The following TDRP variants were observed in gnomAD, a reference collection of about 807,000 sequenced individuals.
TDRP encodes the protein testis development related protein.
In TDRP, 12 loss-of-function variants were observed where a neutral mutation model predicts 10.5. The observed-to-expected ratio is 1.15, with a 90% CI of 0.73 to 1.86. TDRP has a LOEUF of 1.86. Ranked by LOEUF, TDRP falls within the 40% of genes most tolerant of loss-of-function variation. The probability of loss-of-function intolerance (pLI) is 0.00; values close to 1 mark genes in which losing one functional copy is unlikely to be tolerated. For missense variants in TDRP, 353 were observed against 229.2 expected (o/e 1.54, Z -3.49); for synonymous variants, 139 against 95.4 (o/e 1.46, Z -2.67).
At position 492,169 on chromosome 8, in the gene TDRP, A is replaced by T. The variant is rs751508130; in HGVS notation, c.*230T>A. 2.1e-5 allele frequency: 27 copies of T among 1,258,274 alleles called. No homozygotes were observed. The South Asian group carries it at 3.3e-4, about 16-fold the overall frequency. The allele number at this position is 1,258,274 out of a possible 1,614,324, so 77.9% of individuals were successfully genotyped here. A position where few individuals can be genotyped will look rare whatever the true frequency, so the allele number is the denominator to read the frequency against. On this transcript the variant is annotated 3_prime_UTR_variant, in exon 3 of 3. Transcript: ENST00000324079. ...TCCAGTTTCTGCAAAACATGGACTG[A>T]TAGGTGAATATTTCTGCAATAAGGC...
intron 1 of TDRP, among the ~76,000 whole-genome samples, chr8:521,345 A>AGGCGG (rs774254434): frequency 4.3e-4 from 65 of 151,266 alleles, no homozygotes; most frequent in Non-Finnish European, 7.7e-4. Context: ...TGAACCCGGG[A>AGGCGG]GGCGGGGCTT....
At chr8:520,806 G>A (rs1427752640) in intron 1 of TDRP, among the ~76,000 whole-genome samples, 1 of 152,068 alleles carries the variant, frequency 6.6e-6, no homozygotes, top group Non-Finnish European at 1.5e-5. Context: ...TTGTTGTTTG[G>A]TCATAGGAGT....
chr8:507,184 G>C (rs549991671), intron 1 of TDRP, among the ~76,000 whole-genome samples: 3 of 152,302 alleles, frequency 2.0e-5, no homozygotes, highest in Non-Finnish European at 2.9e-5. Context: ...CATGAGAACA[G>C]TGTAGGGGAG....
rs371361749 is a variant in TDRP, at chr8:514,886, G to A, written c.109-20289C>T. 3.9e-5 allele frequency among the ~76,000 whole-genome samples: 6 copies of A among 152,180 alleles called. No individual in the cohort carries two copies. In the South Asian group the frequency reaches 1.2e-3, roughly 32 times the overall value. On this transcript the variant is annotated intron_variant, in intron 1 of 2. Transcript: ENST00000324079. ...CAGGCAGGAGAGTTTTCTTTCACGG[G>A]GAGGGCTACTTTAAAATTAAGATTC...
At chr8:530,891 G>C (rs1207980194) in intron 1 of TDRP, among the ~76,000 whole-genome samples, 1 of 152,146 alleles carries the variant, frequency 6.6e-6, no homozygotes, top group African/African-American at 2.4e-5. Flanking sequence ...TCTCCTGACT[G>C]TGCTGAGCTG....
At chr8:506,912 G>T (rs1259613302) in intron 1 of TDRP, among the ~76,000 whole-genome samples, 1 of 152,170 alleles carries the variant, frequency 6.6e-6, no homozygotes, top group Non-Finnish European at 1.5e-5. Context: ...AAGTGCAATG[G>T]GGAGGTATTA....
chr8:493,160 G>C (rs938912251), intron 2 of TDRP, among the ~76,000 whole-genome samples: 1 of 152,150 alleles, frequency 6.6e-6, no homozygotes, highest in Non-Finnish European at 1.5e-5. Context: ...AGCAAGGTAA[G>C]GTCAAGCATT....
intron 1 of TDRP, among the ~76,000 whole-genome samples, chr8:505,640 G>A (rs547780955): frequency 2.0e-5 from 3 of 152,282 alleles, no homozygotes; most frequent in Admixed American, 6.5e-5. Flanking sequence ...CAGCAGGAAC[G>A]CATGGCCAAC....
intron 1 of TDRP, among the ~76,000 whole-genome samples, chr8:539,217 T>C (rs139289749): frequency 6.6e-6 from 1 of 152,116 alleles, no homozygotes; most frequent in Non-Finnish European, 1.5e-5. Context: ...CAGGGTGAGA[T>C]GGGAGTCACG....
intron 1 of TDRP, among the ~76,000 whole-genome samples, chr8:536,061 G>A (rs1437771816): frequency 6.6e-6 from 1 of 152,120 alleles, no homozygotes; most frequent in African/African-American, 2.4e-5. Context: ...TTATCAATTA[G>A]GGTTTTAAAC....
chr8:517,643 C>G (rs1226949395), intron 1 of TDRP, among the ~76,000 whole-genome samples: 9 of 152,192 alleles, frequency 5.9e-5, no homozygotes, highest in Admixed American at 5.9e-4. Flanking sequence ...CAATATATAC[C>G]TTACATGTAT....
At chr8:534,276 T>C (rs1019655248) in intron 1 of TDRP, among the ~76,000 whole-genome samples, 1 of 152,236 alleles carries the variant, frequency 6.6e-6, no homozygotes, top group Non-Finnish European at 1.5e-5. Context: ...AGTTATGTTG[T>C]ACAAAGTTGC....
At chr8:517,314 G>T (rs1801783158) in intron 1 of TDRP, among the ~76,000 whole-genome samples, 1 of 152,124 alleles carries the variant, frequency 6.6e-6, no homozygotes, top group African/African-American at 2.4e-5. Context: ...TGTCTCTTGT[G>T]GGGAGAATTT....
At chr8:520,147 C>G (rs144535152) in intron 1 of TDRP, among the ~76,000 whole-genome samples, 3 of 152,160 alleles carry the variant, frequency 2.0e-5, no homozygotes, top group African/African-American at 4.8e-5. Flanking sequence ...CGGTTTGAAG[C>G]CAAGCTGCTC....
Position 521,786 on chromosome 8 carries a change from T to A in TDRP, c.108+22864A>T, listed in dbSNP as rs575944814. On this transcript the variant is annotated intron_variant, in intron 1 of 2. Transcript: ENST00000324079. ...TCTACTTCAGCAAAAAAAATGCCAATGAGATTTGCATTGAACCAGTGGATT... is the reference window on the plus strand; with the variant it reads ...TCTACTTCAGCAAAAAAAATGCCAAAGAGATTTGCATTGAACCAGTGGATT... 4.6e-5 allele frequency among the ~76,000 whole-genome samples: 7 copies of A among 152,218 alleles called. No individual in the cohort carries two copies. The East Asian group carries it at 1.4e-3, about 29-fold the overall frequency.
At chr8:533,036 C>G (rs965411811) in intron 1 of TDRP, among the ~76,000 whole-genome samples, 5 of 152,150 alleles carry the variant, frequency 3.3e-5, no homozygotes, top group Admixed American at 1.3e-4. Flanking sequence ...CCCCAAAGTC[C>G]CAAAATGAGT....
chr8:492,968 C>T (rs1383090642), intron 2 of TDRP, among the ~76,000 whole-genome samples: 1 of 152,128 alleles, frequency 6.6e-6, no homozygotes, highest in Non-Finnish European at 1.5e-5. Flanking sequence ...CTTGGCAATA[C>T]ATAAGCAAAG....
In TDRP at chr8:544,764, GC is replaced by G; in HGVS notation, c.-8del. 8.1e-7 allele frequency: 1 copy of G among 1,233,384 alleles called. No individual in the cohort carries two copies. The highest frequency in any genetic ancestry group is 1.0e-6 in the Non-Finnish European group (1 of 986,570). 76.4% of individuals were successfully genotyped at this position (1,233,384 alleles called of 1,614,324 possible). On this transcript the variant is annotated 5_prime_UTR_variant, in exon 1 of 3. Coordinates refer to ENST00000324079, the MANE Select transcript of TDRP (RefSeq NM_001384899.1). ...CCCGGCCCAGCTTCCACATGGTCAG[GC>G]GGGCTCCGGCGTCCCTCCGTCCGTG...
intron 1 of TDRP, among the ~76,000 whole-genome samples, chr8:514,977 G>C (rs1269382012): frequency 6.6e-6 from 1 of 152,168 alleles, no homozygotes; most frequent in African/African-American, 2.4e-5. Flanking sequence ...ATCAGGAAAA[G>C]TCATACAATT....
Sources: gnomAD v4.1 joint callset for allele counts (sites outside exome capture counted in the v4.1 genomes callset) on GRCh38, gnomAD v4.1.1 for gene constraint, MANE v1.5 for transcripts, NCBI Gene and HGNC (gene_info 2026-07-23, HGNC 2026-07-21) for gene names.